Variants in PITPNM2 observed in about 807,000 individuals in gnomAD.
PITPNM2 encodes the protein membrane-associated phosphatidylinositol transfer protein 2.
Under a neutral mutation model 132.2 loss-of-function variants are expected in PITPNM2, and 35 were observed. That is an observed-to-expected ratio of 0.26 (90% confidence interval 0.20 to 0.35). The LOEUF (loss-of-function observed/expected upper bound fraction) is 0.35. PITPNM2 is among the 10% of genes least tolerant of loss of function. The pLI is 1.00. For missense variants in PITPNM2, 1,332 were observed against 1,912.0 expected (o/e 0.70, Z 5.66); for synonymous variants, 738 against 799.2 (o/e 0.92, Z 1.29).
rs188625103 is a variant in PITPNM2 at position 123,141,140 on chromosome 12, C to A, written c.-200+9613G>T. Among the ~76,000 whole-genome samples the A allele has an allele frequency of 2.0e-5, 3 of 152,290 alleles. No homozygotes were observed. The East Asian group carries it at 5.8e-4, about 29-fold the overall frequency. On this transcript the variant is annotated intron_variant, in intron 1 of 25. Coordinates refer to ENST00000320201, the MANE Select transcript of PITPNM2 (RefSeq NM_020845.3). The stretch of plus-strand genomic sequence containing the variant: ...GGTCTAGAGTCCAGCCAGCAGTTAA[C>A]TCCCTGTGTGGTGAGGCCTAAGTCA...
chr12:123,124,795 T>C (rs1172699912), intron 1 of PITPNM2, among the ~76,000 whole-genome samples: 1 of 152,200 alleles, frequency 6.6e-6, no homozygotes, highest in South Asian at 2.1e-4. Context: ...AATGCATTAC[T>C]TACTTACCCA....
chr12:123,080,278 G>T (rs917635657), intron 2 of PITPNM2, among the ~76,000 whole-genome samples: 11 of 152,082 alleles, frequency 7.2e-5, no homozygotes, highest in Admixed American at 2.6e-4. Context: ...GAGTGCAGTG[G>T]TGTGATTATA....
rs779376782 is a variant in PITPNM2 at position 123,009,867 on chromosome 12, C to T, written c.626G>A (p.Arg209Lys). 1 of 1,613,990 alleles carries T rather than the reference C, an allele frequency of 6.2e-7. No homozygotes were observed. The highest frequency in any genetic ancestry group is 8.5e-7 in the Non-Finnish European group (1 of 1,180,006). The change falls in exon 6 of 26, where the codon AGG becomes AAG. Residue 209 changes from arginine (R) to lysine (K), a missense_variant. Arg to Lys is a conservative substitution (Grantham distance 26, BLOSUM62 2). Coordinates refer to ENST00000320201, the MANE Select transcript of PITPNM2 (RefSeq NM_020845.3). The surrounding 1 kb of genome is among the most constrained non-coding windows in gnomAD (Gnocchi z 4.8). ...RYWGMQSKIE[R>K]FIHDTGLRRV... ...GTGCTCACCGGTGTCGTGGATGAAC[C>T]TCTCGATCTTGGACTGCATGCCCCA...
At chr12:123,093,634 T>G (rs2042329241) in intron 2 of PITPNM2, among the ~76,000 whole-genome samples, 1 of 152,258 alleles carries the variant, frequency 6.6e-6, no homozygotes, top group South Asian at 2.1e-4. Flanking sequence ...CCTGAAGTAC[T>G]GACTCTGGGG....
rs575568948 is a variant in PITPNM2, at chr12:122,989,700, C to T, written c.2731+87G>A. ...CCCCCAGCTCCCTGTTAGGCCGAAG[C>T]GGGGGTCTAGGTGGGCAGAGCCTGG... On this transcript the variant is annotated intron_variant, in intron 18 of 25. Coordinates refer to ENST00000320201, the MANE Select transcript of PITPNM2 (RefSeq NM_020845.3). 9.3e-5 allele frequency: 116 copies of T among 1,249,340 alleles called. No individual in the cohort carries two copies. The African/African-American group carries it at 1.4e-3, about 15-fold the overall frequency. 77.4% of individuals were successfully genotyped at this position (1,249,340 alleles called of 1,614,324 possible).
intron 1 of PITPNM2, among the ~76,000 whole-genome samples, chr12:123,144,885 T>C (rs1369870906): frequency 6.6e-6 from 1 of 152,146 alleles, no homozygotes; most frequent in Non-Finnish European, 1.5e-5. Flanking sequence ...GAAACATATA[T>C]AAAATAAGAT....
At chr12:123,084,393 C>T (rs1335568620) in intron 2 of PITPNM2, 1 of 152,244 alleles carries the variant, frequency 6.6e-6, no homozygotes, top group Admixed American at 6.5e-5. Flanking sequence ...GGTCCTGGTC[C>T]TGTTTCCCTG....
intron 1 of PITPNM2, among the ~76,000 whole-genome samples, chr12:123,112,609 G>A (rs1004983389): frequency 6.6e-6 from 1 of 151,112 alleles, no homozygotes; most frequent in African/African-American, 2.4e-5. Flanking sequence ...TGCTATCTCG[G>A]CTCACTGCAA....
At chr12:123,002,390 T>C (rs1003017775) in intron 8 of PITPNM2, among the ~76,000 whole-genome samples, 20 of 152,270 alleles carry the variant, frequency 1.3e-4, no homozygotes, top group African/African-American at 4.6e-4. Context: ...CTTTATTCCA[T>C]CTTCACCATT....
At position 122,989,787 on chromosome 12, in the gene PITPNM2, C is replaced by T; in HGVS notation, c.2731G>A (p.Val911Ile). Residue 911 changes from valine (V) to isoleucine (I), a missense_variant and splice_region_variant, in exon 18 of 26, where the codon GTC (valine) becomes ATC (isoleucine). Physicochemically the swap from Val to Ile is conservative, Grantham distance 29. This residue lies in a region of PITPNM2 where 710 missense variants were observed against 911.5 expected (regional missense o/e 0.78). Transcript: ENST00000320201. ...GAGGGGAAAGTGTGTGGGGTGGTAC[C>T]TTCTCCAATGTCCAGCTCAGGGAGG... ...PGLPELDIGE[V>I]AAKWWGQKRI... is the part of the protein sequence containing the mutation. The T allele has an allele frequency of 7.1e-7, 1 of 1,401,502 alleles. No homozygotes were observed. Among genetic ancestry groups the T allele is most frequent in the Non-Finnish European group, 9.3e-7 (1 of 1,073,908 alleles). The allele number at this position is 1,401,502 out of a possible 1,614,324, so 86.8% of individuals were successfully genotyped here.
chr12:122,986,239 G>C lies in PITPNM2; in HGVS notation c.3838C>G (p.Leu1280Val), dbSNP rs1277631876. Residue 1280 changes from leucine (L) to valine (V), a missense_variant, in exon 26 of 26, where the codon CTG becomes GTG. Leu to Val is a conservative substitution (Grantham distance 32, BLOSUM62 1). Transcript: ENST00000320201. The stretch of plus-strand genomic sequence containing the variant: ...CGCAGAAAGTCGCCCTGGCCGGGCA[G>C]GCCGAAGCTGCCCTTGCGCAGCGCC... Reference protein sequence around the residue: ...RMALRKGSFGLPGQGDFLRSR... With the variant: ...RMALRKGSFGVPGQGDFLRSR... 9.5e-6 allele frequency: 15 copies of C among 1,574,812 alleles called. No homozygotes were observed. The highest frequency in any genetic ancestry group is 3.3e-4 in the Middle Eastern group (2 of 6,004).
At chr12:123,050,551 G>A (rs1175743588) in intron 2 of PITPNM2, among the ~76,000 whole-genome samples, 1 of 152,188 alleles carries the variant, frequency 6.6e-6, no homozygotes, top group African/African-American at 2.4e-5. Flanking sequence ...AGGTCCAAAT[G>A]CTTAACTCAG....
chr12:123,000,577 G>A lies in PITPNM2; in HGVS notation c.1224+201C>T, dbSNP rs765454678. 64 of 673,906 alleles carry A rather than the reference G, an allele frequency of 9.5e-5. No homozygotes were observed. Among genetic ancestry groups the A allele is most frequent in the Non-Finnish European group, 1.6e-4 (61 of 377,180 alleles). 41.7% of individuals were successfully genotyped at this position (673,906 alleles called of 1,614,324 possible). A position where few individuals can be genotyped will look rare whatever the true frequency, so the allele number is the denominator to read the frequency against. ...TAGTCCCTGGTTCTCGGGGACCTCAGAGACAGAGGGCGACAGGCGCCTTCC... is the reference window on the plus strand; with the variant it reads ...TAGTCCCTGGTTCTCGGGGACCTCAAAGACAGAGGGCGACAGGCGCCTTCC... On this transcript the variant is annotated intron_variant, in intron 10 of 25. Coordinates refer to ENST00000320201, the MANE Select transcript of PITPNM2 (RefSeq NM_020845.3). This position sits in a 1 kb window ranked among gnomAD's most constrained non-coding sequence, Gnocchi z 5.4.
chr12:122,986,655 G>A lies in PITPNM2; in HGVS notation c.3588C>T (p.Leu1196=), dbSNP rs1416956497. Residue 1196 remains leucine, a synonymous_variant, in exon 24 of 26, where the codon CTC becomes CTT. Transcript: ENST00000320201. ...LRHKANFLKL[L]ISELHLRVHA... is the part of the protein sequence containing the mutation. ...TCCTCCCGGGCCCCACCTCGGAGAT[G>A]AGCAGCTTCAGGAAGTTGGCCTTGT... 2.7e-5 allele frequency: 44 copies of A among 1,612,760 alleles called. No homozygotes were observed. Among genetic ancestry groups the A allele is most frequent in the Middle Eastern group, 1.6e-4 (1 of 6,082 alleles).
chr12:123,143,149 C>A (rs1231377647), intron 1 of PITPNM2, among the ~76,000 whole-genome samples: 1 of 150,588 alleles, frequency 6.6e-6, no homozygotes, highest in Non-Finnish European at 1.5e-5. Context: ...TCCCTCCCTC[C>A]AAGGGGCTGT....
intron 14 of PITPNM2, 146 bp downstream of exon 14, chr12:122,995,243 G>T: frequency 7.9e-7 from 1 of 1,258,036 alleles, no homozygotes; most frequent in Non-Finnish European, 1.1e-6. Context: ...TTTCTCCTGG[G>T]CCCAGACTGG....
At position 123,077,423 on chromosome 12, in the gene PITPNM2, G is replaced by A. The variant is rs2041825997; in HGVS notation, c.-96+32962C>T. Among the ~76,000 whole-genome samples, 2 of 152,198 alleles carry A rather than the reference G, an allele frequency of 1.3e-5. No individual in the cohort carries two copies. The highest frequency in any genetic ancestry group is 2.4e-5 in the African/African-American group (1 of 41,438). On this transcript the variant is annotated intron_variant, in intron 2 of 25. Coordinates refer to ENST00000320201, the MANE Select transcript of PITPNM2 (RefSeq NM_020845.3). The surrounding 1 kb of genome is among the most constrained non-coding windows in gnomAD (Gnocchi z 4.8). ...CCACTCCAGAGCCCTGCCCCATCTAGGGCGCACGTGCATGCCTCTGAATTT... is the reference window on the plus strand; with the variant it reads ...CCACTCCAGAGCCCTGCCCCATCTAAGGCGCACGTGCATGCCTCTGAATTT...
chr12:123,134,315 G>A (rs1404631832), intron 1 of PITPNM2, among the ~76,000 whole-genome samples: 2 of 152,092 alleles, frequency 1.3e-5, no homozygotes, highest in Non-Finnish European at 2.9e-5. Context: ...TGCCCACCTT[G>A]GCCTCCCAAA....
At chr12:123,122,682 C>T (rs1234009301) in intron 1 of PITPNM2, among the ~76,000 whole-genome samples, 1 of 152,156 alleles carries the variant, frequency 6.6e-6, no homozygotes, top group African/African-American at 2.4e-5. Context: ...AACATATCTT[C>T]CAGACCACAA....
Sources: allele counts gnomAD v4.1 joint callset (sites outside exome capture counted in the v4.1 genomes callset), GRCh38; gene constraint gnomAD v4.1.1; regional missense constraint gnomAD v4.1.1; non-coding constraint Gnocchi (gnomAD v3.1); transcripts MANE v1.5; gene names NCBI Gene and HGNC (gene_info 2026-07-23, HGNC 2026-07-21).